IARS1: variants seen among roughly 807,000 people sequenced by gnomAD.
The protein encoded by IARS1 is isoleucyl-tRNA synthetase 1, also known as isoleucine--tRNA ligase, cytoplasmic.
In IARS1, 124 loss-of-function variants were observed where a neutral mutation model predicts 168.2. The ratio of observed to expected loss-of-function variants is 0.74; its 90% confidence interval spans 0.64 to 0.86. IARS1 has a LOEUF of 0.86. Ranked by LOEUF, IARS1 falls within the 40% of genes least tolerant of loss-of-function variation. IARS1 has a pLI of 0.00. For synonymous variants in IARS1, 532 were observed against 529.4 expected (o/e 1.00, Z -0.07); for missense variants, 1,452 against 1,515.8 (o/e 0.96, Z 0.70).
intron 1 of IARS1, 92 bp from the exon 2 acceptor site, chr9:92,289,518 C>T (rs1469966478): frequency 1.5e-6 from 1 of 684,926 alleles, no homozygotes; most frequent in African/African-American, 1.8e-5. Context: ...TGACACTATC[C>T]ATACTTTTAA....
chr9:92,238,839 ATTGTC>A (rs1323654029), intron 30 of IARS1, among the ~76,000 whole-genome samples: 2 of 152,106 alleles, frequency 1.3e-5, no homozygotes, highest in African/African-American at 4.8e-5. Flanking sequence ...CTCCTTTGTA[ATTGTC>A]TTAACTATTA....
At chr9:92,291,658 G>C (rs1836359532) in intron 1 of IARS1, among the ~76,000 whole-genome samples, 2 of 152,172 alleles carry the variant, frequency 1.3e-5, no homozygotes, top group African/African-American at 4.8e-5. Context: ...ATAAGTGTTT[G>C]TGCATTTACT....
chr9:92,223,039 T>A (rs957857776), intron 32 of IARS1, among the ~76,000 whole-genome samples: 1 of 152,156 alleles, frequency 6.6e-6, no homozygotes, highest in Non-Finnish European at 1.5e-5. Flanking sequence ...CATGGAGGTA[T>A]AGAAGTTTTC....
chr9:92,227,261 C>A (rs1825853042), intron 31 of IARS1, among the ~76,000 whole-genome samples: 1 of 150,510 alleles, frequency 6.6e-6, no homozygotes, highest in Non-Finnish European at 1.5e-5. Context: ...CACCTTTCCC[C>A]CCTTTCTATT....
intron 18 of IARS1, 33 bp downstream of exon 18, chr9:92,260,118 T>C (rs779193083): frequency 4.9e-6 from 7 of 1,433,314 alleles, no homozygotes; most frequent in African/African-American, 1.4e-5. Context: ...AAAAAAACAA[T>C]AGATACACAC....
intron 19 of IARS1, among the ~76,000 whole-genome samples, chr9:92,258,317 G>A (rs1199378160): frequency 6.6e-6 from 1 of 152,220 alleles, no homozygotes; most frequent in Non-Finnish European, 1.5e-5. Context: ...ACGAAGCTGG[G>A]TGCCGTGGCT....
intron 33 of IARS1, among the ~76,000 whole-genome samples, chr9:92,221,809 T>C (rs1383696213): frequency 6.6e-6 from 1 of 152,230 alleles, no homozygotes. Context: ...CAGGTAAGCA[T>C]GTTTTATAAA....
rs1389127787 is a variant in IARS1, at chr9:92,251,998, A to T, written c.2230-113T>A. ...TCAAAGAACATGCAGCATACAGACA[A>T]GACATGAGACAGAGAAAGGAGAAAG... is the stretch of plus-strand genomic sequence containing the variant. On this transcript the variant is annotated intron_variant, in intron 21 of 33. Transcript: ENST00000443024. 4 of 757,868 alleles carry T rather than the reference A, an allele frequency of 5.3e-6. No homozygotes were observed. The East Asian group carries it at 1.1e-4, about 20-fold the overall frequency. 46.9% of individuals were successfully genotyped at this position (757,868 alleles called of 1,614,324 possible).
In IARS1 at chr9:92,251,801, A is replaced by T; in HGVS notation, c.2307+7T>A. 1.2e-6 allele frequency: 2 copies of T among 1,611,310 alleles called. No individual in the cohort carries two copies. The highest frequency in any genetic ancestry group is 1.7e-6 in the Non-Finnish European group (2 of 1,177,430). On this transcript the variant is annotated splice_region_variant and intron_variant, in intron 22 of 33. Coordinates refer to ENST00000443024, the MANE Select transcript of IARS1 (RefSeq NM_002161.6). ...AAAGGGTACTAGAAAGAAGCCAATCATCTTACCATAAGTCTGCAAAGAGAA... is the reference window on the plus strand; with the variant it reads ...AAAGGGTACTAGAAAGAAGCCAATCTTCTTACCATAAGTCTGCAAAGAGAA...
intron 18 of IARS1, among the ~76,000 whole-genome samples, chr9:92,259,442 T>G (rs943300604): frequency 7.9e-5 from 12 of 152,172 alleles, no homozygotes; most frequent in African/African-American, 2.9e-4. Context: ...AGGTTAGGGA[T>G]GCTGCTAAAC....
In IARS1 at chr9:92,271,703, G is replaced by A. The variant is rs775671827; in HGVS notation, c.991-48C>T. ...GAAGAATAAAACAGTCTATGTATGGGTGTGAGCATGAGGTAATAGATTCCC... is the reference window on the plus strand; with the variant it reads ...GAAGAATAAAACAGTCTATGTATGGATGTGAGCATGAGGTAATAGATTCCC... On this transcript the variant is annotated intron_variant, in intron 10 of 33. Coordinates refer to ENST00000443024, the MANE Select transcript of IARS1 (RefSeq NM_002161.6). 1.9e-6 allele frequency: 3 copies of A among 1,594,572 alleles called. No individual in the cohort carries two copies. In the Admixed American group the frequency reaches 5.0e-5, roughly 27 times the overall value.
intron 1 of IARS1, chr9:92,292,512 T>C (rs1212925032): frequency 6.4e-6 from 1 of 155,832 alleles, no homozygotes; most frequent in Non-Finnish European, 1.5e-5. Context: ...GCAGCCTCCA[T>C]GCATAAATCA....
chr9:92,225,636 C>T (rs896624925), intron 31 of IARS1, among the ~76,000 whole-genome samples: 6 of 150,098 alleles, frequency 4.0e-5, no homozygotes, highest in African/African-American at 1.5e-4. Context: ...ATTTAAAGAG[C>T]CATGTATAGA....
chr9:92,243,579 T>G (rs1230537593), intron 27 of IARS1: 1 of 287,546 alleles, frequency 3.5e-6, no homozygotes, highest in Admixed American at 4.7e-5. Context: ...TGGGACCACC[T>G]CTTATCAGAG....
At chr9:92,265,622 T>C (rs1021059437) in intron 14 of IARS1, 69 bp from the exon 15 acceptor site, 2 of 1,152,720 alleles carry the variant, frequency 1.7e-6, no homozygotes, top group Non-Finnish European at 2.6e-6. Flanking sequence ...TTAATTTATA[T>C]AGCATGCATG....
Position 92,210,694 on chromosome 9 carries a change from C to G in IARS1, c.*113G>C. 1.5e-6 allele frequency: 1 copy of G among 686,426 alleles called. No individual in the cohort carries two copies. The highest frequency in any genetic ancestry group is 2.6e-6 in the Non-Finnish European group (1 of 377,610). The allele number at this position is 686,426 out of a possible 1,614,324, so 42.5% of individuals were successfully genotyped here. On this transcript the variant is annotated 3_prime_UTR_variant, in exon 34 of 34. Coordinates refer to ENST00000443024, the MANE Select transcript of IARS1 (RefSeq NM_002161.6). ...TTCAATCCAAGCAGCATATTTTACA[C>G]ACACCTGAAGGAAATATCTTCAGTG...
At chr9:92,269,841 C>T in intron 13 of IARS1, 44 bp downstream of exon 13, 1 of 1,318,806 alleles carries the variant, frequency 7.6e-7, no homozygotes, top group Non-Finnish European at 1.1e-6. Context: ...ACTTACTAAC[C>T]ACATGACAAA....
intron 30 of IARS1, among the ~76,000 whole-genome samples, chr9:92,237,967 G>A (rs987513009): frequency 2.6e-5 from 4 of 152,036 alleles, no homozygotes; most frequent in East Asian, 1.9e-4. Context: ...GTATAGGAGC[G>A]TGATCTTGGC....
intron 33 of IARS1, among the ~76,000 whole-genome samples, chr9:92,213,816 A>G (rs764962814): frequency 1.8e-4 from 28 of 152,104 alleles, no homozygotes; most frequent in Non-Finnish European, 3.8e-4. Context: ...GGAATGCCAT[A>G]GATTTTTTTT....
Sources: allele counts gnomAD v4.1 joint callset (sites outside exome capture counted in the v4.1 genomes callset), GRCh38; gene constraint gnomAD v4.1.1; transcripts MANE v1.5; gene names NCBI Gene and HGNC (gene_info 2026-07-23, HGNC 2026-07-21).